RCOR1: variants seen among roughly 807,000 people sequenced by gnomAD.
RCOR1 encodes REST corepressor 1.
A neutral mutation model predicts 64.0 loss-of-function variants in RCOR1; 12 were observed. That is an observed-to-expected ratio of 0.19 (90% confidence interval 0.12 to 0.30). The LOEUF (loss-of-function observed/expected upper bound fraction) is 0.30. Among genes scored for constraint, RCOR1 ranks in the 10% least tolerant of loss-of-function variants. The pLI is 1.00. For synonymous variants in RCOR1, 279 were observed against 227.2 expected (o/e 1.23, Z -2.05); for missense variants, 502 against 621.2 (o/e 0.81, Z 2.04).
At chr14:102,636,672 T>G (rs1179073611) in intron 2 of RCOR1, among the ~76,000 whole-genome samples, 1 of 152,078 alleles carries the variant, frequency 6.6e-6, no homozygotes, top group Non-Finnish European at 1.5e-5. Context: ...TCTTATTGGT[T>G]TATAAGAATT....
chr14:102,621,256 GC>G (rs1359242068), intron 2 of RCOR1, among the ~76,000 whole-genome samples: 5 of 151,768 alleles, frequency 3.3e-5, no homozygotes, highest in South Asian at 2.1e-4. Context: ...ACAGGCACAA[GC>G]CACTACATCT....
chr14:102,673,491 C>G (rs1480394768), intron 2 of RCOR1, among the ~76,000 whole-genome samples: 2 of 151,744 alleles, frequency 1.3e-5, no homozygotes, highest in Non-Finnish European at 2.9e-5. Flanking sequence ...CGCCCACTAC[C>G]ATGCCCGGCT....
At chr14:102,693,799 G>GT (rs1895588340) in intron 3 of RCOR1, among the ~76,000 whole-genome samples, 1 of 152,032 alleles carries the variant, frequency 6.6e-6, no homozygotes, top group Non-Finnish European at 1.5e-5. Context: ...TTGTATTTCT[G>GT]TTTATCTGCT....
At chr14:102,656,617 C>T (rs1263314078) in intron 2 of RCOR1, among the ~76,000 whole-genome samples, 1 of 151,212 alleles carries the variant, frequency 6.6e-6, no homozygotes, top group Non-Finnish European at 1.5e-5. Flanking sequence ...GCAGGCTTGC[C>T]ACCATATACC....
intron 2 of RCOR1, among the ~76,000 whole-genome samples, chr14:102,666,181 A>G (rs954297924): frequency 5.9e-5 from 9 of 152,188 alleles, no homozygotes; most frequent in Admixed American, 4.6e-4. Context: ...TGGCAAAGCA[A>G]AAAGGCCCAG....
chr14:102,643,356 G>T (rs1040921477), intron 2 of RCOR1: 1 of 966,410 alleles, frequency 1.0e-6, no homozygotes, highest in Non-Finnish European at 1.2e-6. Flanking sequence ...AAGGAAGAAA[G>T]GTAAAAACAT....
intron 2 of RCOR1, among the ~76,000 whole-genome samples, chr14:102,673,091 T>G (rs368175891): frequency 9.2e-4 from 140 of 152,336 alleles, no homozygotes; most frequent in African/African-American, 3.2e-3. Flanking sequence ...CAAAGCAAGA[T>G]CTTCCTCTCT....
At chr14:102,607,434 G>A (rs1893535450) in intron 2 of RCOR1, among the ~76,000 whole-genome samples, 1 of 152,070 alleles carries the variant, frequency 6.6e-6, no homozygotes, top group South Asian at 2.1e-4. Flanking sequence ...ATAAAGTGGT[G>A]CAAGTCACAT....
At chr14:102,641,180 G>A (rs535858702) in intron 2 of RCOR1, among the ~76,000 whole-genome samples, 8 of 152,054 alleles carry the variant, frequency 5.3e-5, no homozygotes, top group East Asian at 1.9e-4. Context: ...GCTTGAACCC[G>A]GAAGGTGGAG....
chr14:102,710,860 G>A, intron 6 of RCOR1, 75 bp from the exon 7 acceptor site: 1 of 1,025,182 alleles, frequency 9.8e-7, no homozygotes, highest in South Asian at 1.4e-5. Flanking sequence ...AAAATTTTCA[G>A]TTAAATCAAT....
At chr14:102,705,173 A>G in intron 4 of RCOR1, among the ~76,000 whole-genome samples, 1 of 152,072 alleles carries the variant, frequency 6.6e-6, no homozygotes, top group South Asian at 2.1e-4. Context: ...TCACACCAAT[A>G]TGGGATAAGC....
At chr14:102,593,997 G>A (rs1893190374) in intron 2 of RCOR1, among the ~76,000 whole-genome samples, 1 of 152,160 alleles carries the variant, frequency 6.6e-6, no homozygotes, top group Admixed American at 6.5e-5. Context: ...AAATTGAGAA[G>A]CATCAGAAGC....
intron 2 of RCOR1, among the ~76,000 whole-genome samples, chr14:102,631,998 C>T (rs1032649112): frequency 8.6e-5 from 13 of 151,504 alleles, no homozygotes; most frequent in Admixed American, 1.3e-4. Flanking sequence ...TTAGTAGAGA[C>T]GGGGTTTCAC....
chr14:102,663,117 T>G (rs145578831), intron 2 of RCOR1, among the ~76,000 whole-genome samples: 4 of 152,296 alleles, frequency 2.6e-5, no homozygotes, highest in South Asian at 2.1e-4. Context: ...TCATGAGATA[T>G]CTAATAGTTT....
At chr14:102,692,253 G>C (rs909796455) in intron 3 of RCOR1, among the ~76,000 whole-genome samples, 1 of 152,148 alleles carries the variant, frequency 6.6e-6, no homozygotes. Flanking sequence ...CACATGTAAA[G>C]CACATTTTGG....
chr14:102,693,294 C>T (rs1895575467), intron 3 of RCOR1, among the ~76,000 whole-genome samples: 1 of 152,102 alleles, frequency 6.6e-6, no homozygotes, highest in South Asian at 2.1e-4. Context: ...CATGCGGGTT[C>T]CATAAGGGCA....
intron 2 of RCOR1, among the ~76,000 whole-genome samples, chr14:102,594,116 GA>G (rs1034890540): frequency 6.6e-6 from 1 of 152,060 alleles, no homozygotes. Context: ...AGTGGTACAA[GA>G]AAAAAAATCC....
At chr14:102,610,164 C>T (rs1328891186) in intron 2 of RCOR1, among the ~76,000 whole-genome samples, 8 of 151,162 alleles carry the variant, frequency 5.3e-5, no homozygotes, top group Non-Finnish European at 1.0e-4. Flanking sequence ...TCCTTTAAGT[C>T]AAGCCTTAAA....
chr14:102,703,046 C>T (rs974903760), intron 4 of RCOR1, among the ~76,000 whole-genome samples: 3 of 151,932 alleles, frequency 2.0e-5, no homozygotes, highest in African/African-American at 7.3e-5. Context: ...GAAAGGAAAC[C>T]AAAATGAAAT....
Sources: gnomAD v4.1 joint callset for allele counts (sites outside exome capture counted in the v4.1 genomes callset) on GRCh38, gnomAD v4.1.1 for gene constraint, MANE v1.5 for transcripts, NCBI Gene and HGNC (gene_info 2026-07-23, HGNC 2026-07-21) for gene names.